Variants in ABHD18 observed in about 807,000 individuals in gnomAD.
ABHD18 encodes the protein abhydrolase domain containing 18.
Under a neutral mutation model 65.9 loss-of-function variants are expected in ABHD18, and 55 were observed. That is an observed-to-expected ratio of 0.84 (90% confidence interval 0.67 to 1.05). ABHD18 has a LOEUF of 1.05. Ranked by LOEUF, ABHD18 falls within the 50% of genes least tolerant of loss-of-function variation. The probability of loss-of-function intolerance (pLI) is 0.00; values close to 1 mark genes in which losing one functional copy is unlikely to be tolerated. For synonymous variants in ABHD18, 181 were observed against 180.2 expected, an observed-to-expected ratio of 1.00 and a Z score of -0.04; for missense variants, 533 against 558.5, an observed-to-expected ratio of 0.95 and a Z score of 0.46.
At chr4:127,982,361 A>G (rs1291295126) in intron 1 of ABHD18, among the ~76,000 whole-genome samples, 1 of 152,180 alleles carries the variant, frequency 6.6e-6, no homozygotes, top group Non-Finnish European at 1.5e-5. Context: ...TAAAAGTAGT[A>G]GCAGTGATTA....
chr4:127,974,538 A>AT (rs1178945008), intron 1 of ABHD18, among the ~76,000 whole-genome samples: 1 of 150,970 alleles, frequency 6.6e-6, no homozygotes, highest in Non-Finnish European at 1.5e-5. Context: ...CATCTGGCTA[A>AT]TTTTTTGTAT....
At chr4:127,975,071 A>G (rs910681951) in intron 1 of ABHD18, among the ~76,000 whole-genome samples, 1 of 151,688 alleles carries the variant, frequency 6.6e-6, no homozygotes, top group African/African-American at 2.4e-5. Flanking sequence ...GAAAGCATCA[A>G]TTTACTTCCC....
intron 10 of ABHD18, among the ~76,000 whole-genome samples, chr4:128,021,986 A>G (rs537988071): frequency 1.3e-5 from 2 of 152,278 alleles, no homozygotes; most frequent in South Asian, 4.1e-4. Context: ...CCGATAGAAA[A>G]CCAAACACCG....
intron 1 of ABHD18, among the ~76,000 whole-genome samples, chr4:127,971,087 A>G (rs1423722337): frequency 6.6e-6 from 1 of 151,536 alleles, no homozygotes; most frequent in Non-Finnish European, 1.5e-5. Flanking sequence ...AAAAAAAAAA[A>G]AAAGAAAGAA....
chr4:128,033,085 C>T (rs550381896), intron 12 of ABHD18, among the ~76,000 whole-genome samples: 1 of 152,128 alleles, frequency 6.6e-6, no homozygotes, highest in East Asian at 1.9e-4. Flanking sequence ...AACCCTGTCT[C>T]TACTAAAAAT....
chr4:128,007,783 G>A (rs898184662), intron 4 of ABHD18, among the ~76,000 whole-genome samples: 3 of 151,342 alleles, frequency 2.0e-5, no homozygotes, highest in African/African-American at 4.9e-5. Context: ...CTATCTGTGC[G>A]TTTGTGTTTT....
At chr4:128,004,781 T>C (rs912505276) in intron 4 of ABHD18, among the ~76,000 whole-genome samples, 1 of 150,196 alleles carries the variant, frequency 6.7e-6, no homozygotes, top group East Asian at 2.0e-4. Context: ...TGTGGTGGTG[T>C]GTGCCTGTAA....
intron 10 of ABHD18, among the ~76,000 whole-genome samples, chr4:128,027,479 C>T (rs945530759): frequency 6.6e-6 from 1 of 151,642 alleles, no homozygotes; most frequent in African/African-American, 2.4e-5. Context: ...GATATCAGGT[C>T]ACTGCAACCA....
chr4:127,986,099 A>G (rs967121720), intron 3 of ABHD18, among the ~76,000 whole-genome samples: 2 of 152,262 alleles, frequency 1.3e-5, no homozygotes, highest in South Asian at 2.1e-4. Context: ...ATGTGCAGCC[A>G]TCAACATTGT....
intron 4 of ABHD18, among the ~76,000 whole-genome samples, chr4:128,003,724 G>T (rs544062994): frequency 6.6e-6 from 1 of 151,676 alleles, no homozygotes; most frequent in African/African-American, 2.4e-5. Context: ...TTTTATTGAG[G>T]TACATTTTAC....
intron 11 of ABHD18, among the ~76,000 whole-genome samples, chr4:128,029,260 G>C (rs117218099): frequency 0.03 from 4,584 of 152,104 alleles, 300 homozygotes; most frequent in East Asian, 0.26. Flanking sequence ...TTGGGAGGCT[G>C]AAGTGGAAGG....
rs1176706691 is a variant in ABHD18, at chr4:128,038,345, CTTATA to C, written c.*2537_*2541del. On this transcript the variant is annotated 3_prime_UTR_variant, in exon 13 of 13. Transcript: ENST00000645843. ...AACTTGTCAACTGAATTACGATTTTCTTATATTATGTATATAGTGAGGTTATATGA... is the reference window on the plus strand; with the variant it reads ...AACTTGTCAACTGAATTACGATTTTCTTATGTATATAGTGAGGTTATATGA... 2.0e-5 allele frequency: 3 copies of C among 152,112 alleles called. No homozygotes were observed. Among genetic ancestry groups the C allele is most frequent in the African/African-American group, 7.2e-5 (3 of 41,436 alleles). 9.4% of individuals were successfully genotyped at this position (152,112 alleles called of 1,614,324 possible).
intron 4 of ABHD18, among the ~76,000 whole-genome samples, chr4:127,999,668 T>C (rs1207394695): frequency 6.6e-6 from 1 of 152,194 alleles, no homozygotes; most frequent in East Asian, 1.9e-4. Flanking sequence ...TTTAAGTTTA[T>C]TATAGATTCC....
chr4:128,004,732 G>A (rs974157762), intron 4 of ABHD18, among the ~76,000 whole-genome samples: 7 of 151,200 alleles, frequency 4.6e-5, no homozygotes, highest in Admixed American at 6.6e-5. Flanking sequence ...GCAACATGGC[G>A]AAACCTCGTC....
In ABHD18 at chr4:128,038,829, G is replaced by A. The variant is rs1485453111; in HGVS notation, c.*3016G>A. The A allele has an allele frequency of 1.3e-5, 2 of 152,172 alleles. No individual in the cohort carries two copies. The highest frequency in any genetic ancestry group is 2.4e-5 in the African/African-American group (1 of 41,428). The allele number at this position is 152,172 out of a possible 1,614,324, so 9.4% of individuals were successfully genotyped here. Reference sequence around the variant, plus strand: ...GGAGGCTGAGCCAGGAGAATCGCTTGAACCCGGGAGACGGAGGTTGCAGTA... The same window carrying A: ...GGAGGCTGAGCCAGGAGAATCGCTTAAACCCGGGAGACGGAGGTTGCAGTA... On this transcript the variant is annotated 3_prime_UTR_variant, in exon 13 of 13. Transcript: ENST00000645843.
At chr4:127,998,383 G>A (rs1008037592) in intron 4 of ABHD18, among the ~76,000 whole-genome samples, 2 of 145,798 alleles carry the variant, frequency 1.4e-5, no homozygotes, top group African/African-American at 5.1e-5. Context: ...TCAGCCTCCT[G>A]TTCCCGCCAC....
rs549953227 is a variant in ABHD18 at position 128,004,882 on chromosome 4, C to T, written c.279-4038C>T. 4.6e-5 allele frequency among the ~76,000 whole-genome samples: 7 copies of T among 151,596 alleles called. No individual in the cohort carries two copies. The East Asian group carries it at 9.8e-4, about 21-fold the overall frequency. On this transcript the variant is annotated intron_variant, in intron 4 of 12. Transcript: ENST00000645843. The stretch of plus-strand genomic sequence containing the variant: ...CTGAGATTGCGCCATTGCACTCCAG[C>T]CTGGGCGACAGAATGAGACTCCGTC...
chr4:127,995,866 G>A (rs1237205988), intron 4 of ABHD18, among the ~76,000 whole-genome samples: 1 of 152,176 alleles, frequency 6.6e-6, no homozygotes, highest in African/African-American at 2.4e-5. Flanking sequence ...AAAAAAAATT[G>A]TATAAAAATT....
intron 4 of ABHD18, among the ~76,000 whole-genome samples, chr4:127,999,666 T>G (rs1752340662): frequency 6.6e-6 from 1 of 152,202 alleles, no homozygotes; most frequent in Non-Finnish European, 1.5e-5. Flanking sequence ...TGTTTAAGTT[T>G]ATTATAGATT....
Sources: gnomAD v4.1 joint callset for allele counts (sites outside exome capture counted in the v4.1 genomes callset) on GRCh38, gnomAD v4.1.1 for gene constraint, MANE v1.5 for transcripts, NCBI Gene and HGNC (gene_info 2026-07-23, HGNC 2026-07-21) for gene names.